Variants in NAV2 observed in about 807,000 individuals in gnomAD.
NAV2 encodes the protein neuron navigator 2.
In NAV2, 54 loss-of-function variants were observed where a neutral mutation model predicts 223.2. The ratio of observed to expected loss-of-function variants is 0.24; its 90% CI spans 0.19 to 0.30. The LOEUF is 0.30. Ranked by LOEUF, NAV2 falls within the 10% of genes least tolerant of loss-of-function variation. The pLI is 1.00. For missense variants in NAV2, 2,806 were observed against 3,147.5 expected (o/e 0.89, Z 2.60); for synonymous variants, 1,279 against 1,239.3 (o/e 1.03, Z -0.67).
chr11:19,433,139 A>C (rs1034997052), intron 1 of NAV2, among the ~76,000 whole-genome samples: 2 of 152,200 alleles, frequency 1.3e-5, no homozygotes, highest in African/African-American at 4.8e-5. Flanking sequence ...TCTGTCTTCA[A>C]ATGCCTGAAG....
In NAV2 at chr11:19,846,863, T is replaced by A. The variant is rs997583050; in HGVS notation, c.438+3940T>A. Among the ~76,000 whole-genome samples the A allele has an allele frequency of 2.0e-5, 3 of 152,162 alleles. No individual in the cohort carries two copies. The East Asian group carries it at 5.8e-4, about 29-fold the overall frequency. On this transcript the variant is annotated intron_variant, in intron 3 of 37. Transcript: ENST00000349880. ...TCCCTTTCCTGGAGCAAGCCCAGCC[T>A]TGGCTTGTTTTTAAGGAGCGCTTTG...
chr11:19,667,476 G>T (rs927359983), intron 1 of NAV2, among the ~76,000 whole-genome samples: 1 of 152,206 alleles, frequency 6.6e-6, no homozygotes, highest in African/African-American at 2.4e-5. Flanking sequence ...AGGAGGTGAA[G>T]AAACAGAGTG....
chr11:19,511,363 C>T (rs555177376), intron 1 of NAV2: 1 of 152,102 alleles, frequency 6.6e-6, no homozygotes, highest in South Asian at 2.1e-4. Context: ...CCAAAATAGA[C>T]CAGTTTATGG....
At chr11:19,649,867 G>A (rs1051794470) in intron 1 of NAV2, among the ~76,000 whole-genome samples, 15 of 152,294 alleles carry the variant, frequency 9.8e-5, no homozygotes, top group Admixed American at 5.9e-4. Flanking sequence ...CCAGGGAAAC[G>A]CAAAGAAAAC....
In NAV2 at chr11:20,045,586, C is replaced by A; in HGVS notation, c.3818C>A (p.Ala1273Glu). ...TGTAACTCGGTGAAAGTGAATCCGG[C>A]AGCCCAGCCTGTGTCCAGTCCGGCT... Reference protein sequence around the residue: ...ASCNSVKVNPAAQPVSSPAQT... With the variant: ...ASCNSVKVNPEAQPVSSPAQT... Residue 1273 changes from alanine to glutamate, a missense_variant, in exon 14 of 38, where the codon GCA becomes GAA. Physicochemically the swap from Ala to Glu is moderately radical, Grantham distance 107. Around this residue, in one of 4 missense-constraint regions of NAV2, gnomAD observed 742 missense variants for 777.9 expected, o/e 0.95. Coordinates refer to ENST00000349880, the MANE Select transcript of NAV2 (RefSeq NM_145117.5). The A allele has an allele frequency of 6.2e-7, 1 of 1,614,196 alleles. No homozygotes were observed.
rs1325565291 is a variant in NAV2 at position 20,082,727 on chromosome 11, A to G, written c.5326-280A>G. ...TGCTGTGTAACCTCATCTTCCCAAC[A>G]TCCATCTGCTGAGCCAGACTCTGTG... On this transcript the variant is annotated intron_variant, in intron 25 of 37. Coordinates refer to ENST00000349880, the MANE Select transcript of NAV2 (RefSeq NM_145117.5). The G allele has an allele frequency of 2.9e-5, 30 of 1,017,758 alleles. No individual in the cohort carries two copies. In the South Asian group the frequency reaches 4.0e-4, roughly 13 times the overall value. 63.0% of individuals were successfully genotyped at this position (1,017,758 alleles called of 1,614,324 possible). A position where few individuals can be genotyped will look rare whatever the true frequency, so the allele number is the denominator to read the frequency against.
chr11:19,536,707 A>T (rs2044198995), intron 1 of NAV2, among the ~76,000 whole-genome samples: 1 of 152,210 alleles, frequency 6.6e-6, no homozygotes, highest in African/African-American at 2.4e-5. Flanking sequence ...GCAGACTCCA[A>T]ATGTGGTATC....
chr11:19,545,951 T>C (rs769927415), intron 1 of NAV2, among the ~76,000 whole-genome samples: 12 of 152,174 alleles, frequency 7.9e-5, no homozygotes, highest in Non-Finnish European at 1.0e-4. Context: ...TTATATGCAG[T>C]TATAATTGCA....
At position 20,049,737 on chromosome 11, in the gene NAV2, G is replaced by A. The variant is rs543995432; in HGVS notation, c.4371-99G>A. 1.7e-4 allele frequency: 195 copies of A among 1,141,004 alleles called. No homozygotes were observed. The African/African-American group carries it at 2.5e-3, about 15-fold the overall frequency. The allele number at this position is 1,141,004 out of a possible 1,614,324, so 70.7% of individuals were successfully genotyped here. ...TTTCTGCATATAGGGAAGAAAGCGA[G>A]GATCAGCATGGGGAATGAAAAAAAT... On this transcript the variant is annotated intron_variant, in intron 15 of 37. Coordinates refer to ENST00000349880, the MANE Select transcript of NAV2 (RefSeq NM_145117.5).
intron 1 of NAV2, among the ~76,000 whole-genome samples, chr11:19,429,453 G>A (rs1005921422): frequency 6.6e-6 from 1 of 152,218 alleles, no homozygotes; most frequent in African/African-American, 2.4e-5. Context: ...GATTCTGCCA[G>A]TTACCCAGTG....
At chr11:19,408,025 G>T (rs1304313272) in intron 1 of NAV2, among the ~76,000 whole-genome samples, 2 of 152,082 alleles carry the variant, frequency 1.3e-5, no homozygotes, top group South Asian at 2.1e-4. Context: ...CTGGGACTTT[G>T]TGCACATTTC....
chr11:19,577,150 A>G (rs542992212), intron 1 of NAV2, among the ~76,000 whole-genome samples: 83 of 152,366 alleles, frequency 5.4e-4, no homozygotes, highest in Middle Eastern at 3.4e-3. Context: ...CCACAGCCCT[A>G]TGACGTGGGT....
chr11:19,385,966 G>A (rs1003624491), intron 1 of NAV2, among the ~76,000 whole-genome samples: 33 of 151,882 alleles, frequency 2.2e-4, no homozygotes, highest in African/African-American at 3.4e-4. Context: ...GGGTTTCACC[G>A]TCTTAGCCAG....
intron 36 of NAV2, among the ~76,000 whole-genome samples, chr11:20,110,053 G>GA (rs909933504): frequency 1.3e-5 from 2 of 152,228 alleles, no homozygotes; most frequent in African/African-American, 4.8e-5. Context: ...GATCATAGAG[G>GA]ATCATTGGGC....
chr11:20,059,088 T>A (rs1422906665), intron 19 of NAV2, among the ~76,000 whole-genome samples: 1 of 152,068 alleles, frequency 6.6e-6, no homozygotes, highest in Non-Finnish European at 1.5e-5. Context: ...TTTTTTTTTT[T>A]AAACCTGTCT....
chr11:19,359,633 GACGTC>G (rs1356180244), intron 1 of NAV2, among the ~76,000 whole-genome samples: 6 of 152,330 alleles, frequency 3.9e-5, no homozygotes, highest in African/African-American at 1.4e-4. Flanking sequence ...AGAAACAAAT[GACGTC>G]ACCAGTCATT....
intron 1 of NAV2, among the ~76,000 whole-genome samples, chr11:19,455,242 T>C (rs552392749): frequency 3.6e-5 from 4 of 109,604 alleles, no homozygotes. Context: ...TTGGGTGATA[T>C]AATGTAATAT....
chr11:20,091,177 G>A (rs1045699387), intron 27 of NAV2, among the ~76,000 whole-genome samples, 159 bp downstream of exon 27: 36 of 152,272 alleles, frequency 2.4e-4, no homozygotes, highest in African/African-American at 7.7e-4. Flanking sequence ...ATTGCTCAAA[G>A]ACCCAGTCTT....
chr11:19,404,206 G>C (rs1849799980), intron 1 of NAV2, among the ~76,000 whole-genome samples: 1 of 152,186 alleles, frequency 6.6e-6, no homozygotes, highest in African/African-American at 2.4e-5. Flanking sequence ...CATGGAGGGG[G>C]AGATCATGGA....
Sources: gnomAD v4.1 joint callset for allele counts (sites outside exome capture counted in the v4.1 genomes callset) on GRCh38, gnomAD v4.1.1 for gene constraint, gnomAD v4.1.1 regional missense constraint, MANE v1.5 for transcripts, NCBI Gene and HGNC (gene_info 2026-07-23, HGNC 2026-07-21) for gene names.